KDM4C: variants seen among roughly 807,000 people sequenced by gnomAD.
KDM4C encodes lysine demethylase 4C.
Under a neutral mutation model 129.3 loss-of-function variants are expected in KDM4C, and 81 were observed. That is an observed-to-expected ratio of 0.63 (90% confidence interval 0.52 to 0.75). The LOEUF is 0.75. Ranked by LOEUF, KDM4C falls within the 30% of genes least tolerant of loss-of-function variation. The pLI is 0.00. For synonymous variants in KDM4C, 573 were observed against 456.1 expected, an observed-to-expected ratio of 1.26 and a Z score of -3.26; for missense variants, 1,457 against 1,304.0, an observed-to-expected ratio of 1.12 and a Z score of -1.81.
At chr9:7,067,432 C>G (rs914959936) in intron 17 of KDM4C, among the ~76,000 whole-genome samples, 1 of 152,188 alleles carries the variant, frequency 6.6e-6, no homozygotes, top group African/African-American at 2.4e-5. Flanking sequence ...ATGTGTTTGT[C>G]CTTGATTACA....
Position 7,175,483 on chromosome 9 carries a change from T to G in KDM4C, c.*754T>G, listed in dbSNP as rs1187341978. ...TTTTTTTCATAATACATATTCCGAG[T>G]AGATATTTATAAAATATATGTTTCT... On this transcript the variant is annotated 3_prime_UTR_variant, in exon 22 of 22. Transcript: ENST00000381309. The G allele has an allele frequency of 6.6e-6, 1 of 152,588 alleles. No homozygotes were observed. The highest frequency in any genetic ancestry group is 1.5e-5 in the Non-Finnish European group (1 of 68,044). The allele number at this position is 152,588 out of a possible 1,614,324, so 9.5% of individuals were successfully genotyped here.
chr9:6,980,824 G>A, intron 8 of KDM4C, 101 bp from the exon 9 acceptor site: 3 of 965,098 alleles, frequency 3.1e-6, no homozygotes, highest in East Asian at 4.9e-5. Context: ...CCTCCATTAT[G>A]TAGTGACTAA....
At chr9:7,101,064 C>A (rs1837027485) in intron 17 of KDM4C, among the ~76,000 whole-genome samples, 1 of 152,024 alleles carries the variant, frequency 6.6e-6, no homozygotes, top group South Asian at 2.1e-4. Flanking sequence ...AGGGGTTGGG[C>A]CTGGATAGAT....
At chr9:6,852,369 C>T (rs958959455) in intron 5 of KDM4C, among the ~76,000 whole-genome samples, 1 of 152,132 alleles carries the variant, frequency 6.6e-6, no homozygotes, top group African/African-American at 2.4e-5. Context: ...TGGCTTTGGG[C>T]AAATAACTCT....
chr9:7,121,544 G>C (rs923535907), intron 18 of KDM4C, among the ~76,000 whole-genome samples: 1 of 152,192 alleles, frequency 6.6e-6, no homozygotes, highest in African/African-American at 2.4e-5. Flanking sequence ...CTACAAAGTC[G>C]TATGCACAGG....
At chr9:6,865,017 T>G (rs927788576) in intron 5 of KDM4C, among the ~76,000 whole-genome samples, 1 of 149,506 alleles carries the variant, frequency 6.7e-6, no homozygotes, top group Non-Finnish European at 1.5e-5. Flanking sequence ...TCTTTTTTTT[T>G]TTTTTTTGTG....
At chr9:6,902,194 A>G (rs1817528760) in intron 8 of KDM4C, among the ~76,000 whole-genome samples, 1 of 152,188 alleles carries the variant, frequency 6.6e-6, no homozygotes, top group South Asian at 2.1e-4. Flanking sequence ...TACATATATC[A>G]TTTACAGTCT....
intron 5 of KDM4C, among the ~76,000 whole-genome samples, chr9:6,858,237 T>C (rs181559481): frequency 3.7e-4 from 55 of 147,854 alleles, no homozygotes; most frequent in African/African-American, 1.3e-3. Context: ...TATTTTGTTA[T>C]TAGCAATGTT....
chr9:6,834,748 C>T (rs541421312), intron 4 of KDM4C: 33 of 1,064,214 alleles, frequency 3.1e-5, no homozygotes, highest in African/African-American at 1.1e-4. Context: ...ATGTGGTTCC[C>T]GAGGAGCATC....
intron 3 of KDM4C, among the ~76,000 whole-genome samples, chr9:6,806,611 G>C (rs1034653471): frequency 6.6e-6 from 1 of 151,920 alleles, no homozygotes; most frequent in African/African-American, 2.4e-5. Context: ...TCTGCCTCAG[G>C]GTCTCATGAG....
chr9:6,781,766 CT>C (rs1824395078), intron 1 of KDM4C, among the ~76,000 whole-genome samples: 1 of 151,730 alleles, frequency 6.6e-6, no homozygotes, highest in East Asian at 1.9e-4. Flanking sequence ...CTATGCGTGT[CT>C]GTGAATGACC....
chr9:7,128,381 A>G (rs1840252252), intron 19 of KDM4C, 145 bp downstream of exon 19: 1 of 558,208 alleles, frequency 1.8e-6, no homozygotes. Context: ...AATAATATCC[A>G]GGTGAACTTA....
chr9:7,090,399 G>A (rs569313068), intron 17 of KDM4C, among the ~76,000 whole-genome samples: 1 of 152,248 alleles, frequency 6.6e-6, no homozygotes, highest in East Asian at 1.9e-4. Context: ...ATTCTTGGAG[G>A]GATGGGAGGT....
intron 2 of KDM4C, among the ~76,000 whole-genome samples, chr9:6,795,709 T>C (rs920368287): frequency 6.6e-6 from 1 of 151,906 alleles, no homozygotes; most frequent in Non-Finnish European, 1.5e-5. Flanking sequence ...TCTCATTTTG[T>C]CACCCAAGCT....
At chr9:7,010,886 C>T (rs74477418) in intron 12 of KDM4C, among the ~76,000 whole-genome samples, 6,727 of 151,582 alleles carry the variant, frequency 0.044, 320 homozygotes, top group East Asian at 0.26. Flanking sequence ...ACTAAAAATA[C>T]AAAAAAAATT....
rs574460841 is a variant in KDM4C, at chr9:6,899,058, A to AT, written c.921+5840dup. ...TGAGTATGGGGATTTTATGTTCTGC[A>AT]TTTTTTTTTTTTTTACCTCTACTTT... On this transcript the variant is annotated intron_variant, in intron 8 of 21. Coordinates refer to ENST00000381309, the MANE Select transcript of KDM4C (RefSeq NM_015061.6). Among the ~76,000 whole-genome samples, 282 of 140,594 alleles carry AT rather than the reference A, an allele frequency of 2.0e-3. 2 individuals carry two copies. Among genetic ancestry groups the AT allele is most frequent in the South Asian group, 4.9e-3 (22 of 4,446 alleles). 92.2% of individuals were successfully genotyped at this position (140,594 alleles called of 152,430 possible). A position where few individuals can be genotyped will look rare whatever the true frequency, so the allele number is the denominator to read the frequency against.
At chr9:6,787,637 C>T (rs1211563296) in intron 1 of KDM4C, among the ~76,000 whole-genome samples, 4 of 152,230 alleles carry the variant, frequency 2.6e-5, no homozygotes, top group African/African-American at 9.6e-5. Context: ...ACAATCTGAG[C>T]ATTTCCCTCT....
At chr9:6,848,042 T>G (rs1175449370) in intron 4 of KDM4C, among the ~76,000 whole-genome samples, 1 of 152,134 alleles carries the variant, frequency 6.6e-6, no homozygotes, top group African/African-American at 2.4e-5. Context: ...TAGACATAGA[T>G]GAATTTAATA....
chr9:6,990,871 T>A lies in KDM4C; in HGVS notation c.1786+347T>A, dbSNP rs1347901144. On this transcript the variant is annotated intron_variant, in intron 12 of 21. Coordinates refer to ENST00000381309, the MANE Select transcript of KDM4C (RefSeq NM_015061.6). ...TAACGTGCTGTAGGTTTCTTTACATTGTCTTTACTTTTAACTTCAACTCTT... is the reference window on the plus strand; with the variant it reads ...TAACGTGCTGTAGGTTTCTTTACATAGTCTTTACTTTTAACTTCAACTCTT... 2.0e-5 allele frequency among the ~76,000 whole-genome samples: 3 copies of A among 152,274 alleles called. No individual in the cohort carries two copies. The East Asian group carries it at 5.8e-4, about 29-fold the overall frequency.
Sources: gnomAD v4.1 joint callset for allele counts (sites outside exome capture counted in the v4.1 genomes callset) on GRCh38, gnomAD v4.1.1 for gene constraint, MANE v1.5 for transcripts, NCBI Gene and HGNC (gene_info 2026-07-23, HGNC 2026-07-21) for gene names.